EFL1: variants seen among roughly 807,000 people sequenced by gnomAD.
The protein encoded by EFL1 is elongation factor-like GTPase 1.
A neutral mutation model predicts 126.7 loss-of-function variants in EFL1; 76 were observed. The observed-to-expected ratio is 0.60, with a 90% confidence interval of 0.50 to 0.73. The LOEUF (loss-of-function observed/expected upper bound fraction) is 0.73. Among genes scored for constraint, EFL1 ranks in the 30% least tolerant of loss-of-function variants. The pLI, the probability that EFL1 is intolerant of heterozygous loss-of-function variation, is 0.00. For missense variants in EFL1, 1,128 were observed against 1,343.2 expected (o/e 0.84, Z 2.50); for synonymous variants, 410 against 448.4 (o/e 0.91, Z 1.08).
At chr15:82,210,146 G>A (rs371846826) in intron 15 of EFL1, among the ~76,000 whole-genome samples, 40 of 152,322 alleles carry the variant, frequency 2.6e-4, no homozygotes, top group African/African-American at 8.7e-4. Context: ...GTCCTGTCAT[G>A]AGTCTGTTAA....
At chr15:82,196,710 T>C (rs1387372834) in intron 15 of EFL1, among the ~76,000 whole-genome samples, 1 of 152,238 alleles carries the variant, frequency 6.6e-6, no homozygotes, top group Non-Finnish European at 1.5e-5. Flanking sequence ...TGGTTAAATC[T>C]AATTTGATAT....
chr15:82,136,178 A>T (rs934758906), intron 19 of EFL1, among the ~76,000 whole-genome samples: 1 of 152,198 alleles, frequency 6.6e-6, no homozygotes, highest in African/African-American at 2.4e-5. Flanking sequence ...TAAAACAAAA[A>T]ATTGAATATA....
intron 15 of EFL1, among the ~76,000 whole-genome samples, chr15:82,204,554 A>G (rs1376499600): frequency 7.2e-5 from 11 of 152,214 alleles, no homozygotes; most frequent in Non-Finnish European, 1.5e-4. Flanking sequence ...CTTATCAACC[A>G]AAAGACTATT....
Position 82,163,994 on chromosome 15 carries a change from GA to G in EFL1, c.1751-11del. The G allele has an allele frequency of 6.2e-7, 1 of 1,613,200 alleles. No individual in the cohort carries two copies. The highest frequency in any genetic ancestry group is 8.5e-7 in the Non-Finnish European group (1 of 1,179,666). ...TGAAGGCCTCCTATTCCTGTAGGAA[GA>G]AAAGATCCATACGGTCAATAAGGGA... On this transcript the variant is annotated splice_polypyrimidine_tract_variant and intron_variant, in intron 15 of 19. Transcript: ENST00000268206.
At chr15:82,143,855 G>A (rs1378156268) in intron 18 of EFL1, among the ~76,000 whole-genome samples, 1 of 152,064 alleles carries the variant, frequency 6.6e-6, no homozygotes, top group Non-Finnish European at 1.5e-5. Context: ...AAGATAACTG[G>A]GCAAGGACCC....
chr15:82,255,281 T>C (rs2075057228), intron 3 of EFL1, among the ~76,000 whole-genome samples: 1 of 152,230 alleles, frequency 6.6e-6, no homozygotes, highest in Admixed American at 6.5e-5. Flanking sequence ...GTAAGTTTTT[T>C]ACTGGCCATT....
Position 82,238,221 on chromosome 15 carries a change from A to G in EFL1, c.731+86T>C, listed in dbSNP as rs1283632040. On this transcript the variant is annotated intron_variant, in intron 7 of 19. Coordinates refer to ENST00000268206, the MANE Select transcript of EFL1 (RefSeq NM_024580.6). ...TCTTACAACTATAGGTGAATCTATA[A>G]TTATCTCAAAATAAAAGTTTCACTA... 6 of 1,418,680 alleles carry G rather than the reference A, an allele frequency of 4.2e-6. No individual in the cohort carries two copies. The East Asian group carries it at 1.1e-4, about 27-fold the overall frequency. The allele number at this position is 1,418,680 out of a possible 1,614,324, so 87.9% of individuals were successfully genotyped here. A position where few individuals can be genotyped will look rare whatever the true frequency, so the allele number is the denominator to read the frequency against.
chr15:82,257,323 T>A (rs188167237), intron 3 of EFL1, among the ~76,000 whole-genome samples: 187 of 152,324 alleles, frequency 1.2e-3, no homozygotes, highest in Non-Finnish European at 2.0e-3. Context: ...TATTTCTGCC[T>A]CCTCTCTTTT....
In EFL1 at chr15:82,224,505, C is replaced by A. The variant is rs964585000; in HGVS notation, c.1292+660G>T. Among the ~76,000 whole-genome samples the A allele has an allele frequency of 1.3e-5, 2 of 152,136 alleles. 1 individual carries two copies. The highest frequency in any genetic ancestry group is 1.3e-4 in the Admixed American group (2 of 15,272). ...TCATTAAGGGTTTTTGAGCAAGAGA[C>A]ATATCTTCATAGCTGAGTCTTATAA... On this transcript the variant is annotated intron_variant, in intron 12 of 19. Coordinates refer to ENST00000268206, the MANE Select transcript of EFL1 (RefSeq NM_024580.6).
chr15:82,164,100 G>C, intron 15 of EFL1, 116 bp from the exon 16 acceptor site: 1 of 1,322,524 alleles, frequency 7.6e-7, no homozygotes, highest in Non-Finnish European at 1.0e-6. Flanking sequence ...CTTCCAAAAT[G>C]TTGCAAGAAA....
At chr15:82,224,146 A>G (rs2074738798) in intron 12 of EFL1, among the ~76,000 whole-genome samples, 1 of 152,220 alleles carries the variant, frequency 6.6e-6, no homozygotes, top group South Asian at 2.1e-4. Flanking sequence ...GGGTCAGGTC[A>G]TGGTGGGTCA....
At chr15:82,179,470 G>A (rs907897919) in intron 15 of EFL1, among the ~76,000 whole-genome samples, 4 of 152,158 alleles carry the variant, frequency 2.6e-5, no homozygotes, top group African/African-American at 9.6e-5. Context: ...TTACTAATGA[G>A]GAATCTGAGG....
At position 82,230,937 on chromosome 15, in the gene EFL1, T is replaced by C; in HGVS notation, c.766A>G (p.Ile256Val). The C allele has an allele frequency of 6.2e-7, 1 of 1,613,124 alleles. No homozygotes were observed. Among genetic ancestry groups the C allele is most frequent in the Non-Finnish European group, 8.5e-7 (1 of 1,179,482 alleles). Reference sequence around the variant, plus strand: ...ATAAGAACTTCCTTTTTGATGCCAATTTTTTGACTGTAGATTCTGGCGAAG... The same window carrying C: ...ATAAGAACTTCCTTTTTGATGCCAACTTTTTGACTGTAGATTCTGGCGAAG... ...EHFARIYSQK[I>V]GIKKEVLMKT... Residue 256 changes from isoleucine (I) to valine (V), a missense_variant, in exon 8 of 20, where the codon ATT becomes GTT. This residue lies in a region of EFL1 where 316 missense variants were observed against 318.5 expected (regional missense o/e 0.99). Coordinates refer to ENST00000268206, the MANE Select transcript of EFL1 (RefSeq NM_024580.6).
chr15:82,187,024 C>T (rs1476019108), intron 15 of EFL1, among the ~76,000 whole-genome samples: 1 of 152,094 alleles, frequency 6.6e-6, no homozygotes, highest in Non-Finnish European at 1.5e-5. Context: ...GTAGACATTA[C>T]CATGCCCTTT....
chr15:82,260,209 A>C (rs1596015995), intron 2 of EFL1, among the ~76,000 whole-genome samples: 1 of 152,154 alleles, frequency 6.6e-6, no homozygotes, highest in Non-Finnish European at 1.5e-5. Context: ...ACACCCCACT[A>C]ACTTTCCACT....
At chr15:82,169,449 G>C (rs1038469017) in intron 15 of EFL1, among the ~76,000 whole-genome samples, 3 of 152,076 alleles carry the variant, frequency 2.0e-5, no homozygotes, top group African/African-American at 7.2e-5. Flanking sequence ...CTAAGTCTTG[G>C]TGGTTTTTTA....
rs551205746 is a variant in EFL1 at position 82,177,443 on chromosome 15, A to G, written c.1751-13459T>C. ...CTAATAAAATGTGGCTTTCATTGCGAAGTCTTTACACTGATTCTCCTGGCC... is the reference window on the plus strand; with the variant it reads ...CTAATAAAATGTGGCTTTCATTGCGGAGTCTTTACACTGATTCTCCTGGCC... On this transcript the variant is annotated intron_variant, in intron 15 of 19. Transcript: ENST00000268206. Among the ~76,000 whole-genome samples the G allele has an allele frequency of 3.9e-5, 6 of 152,220 alleles. No individual in the cohort carries two copies. The East Asian group carries it at 1.2e-3, about 29-fold the overall frequency.
At chr15:82,232,688 A>G (rs974181934) in intron 7 of EFL1, among the ~76,000 whole-genome samples, 15 of 152,212 alleles carry the variant, frequency 9.9e-5, no homozygotes, top group African/African-American at 3.4e-4. Context: ...TTTGGTTGAC[A>G]TAATCTGAGC....
chr15:82,229,001 A>C (rs2074793090), intron 9 of EFL1, 33 bp downstream of exon 9: 1 of 1,556,090 alleles, frequency 6.4e-7, no homozygotes, highest in South Asian at 1.2e-5. Context: ...ATACTGCCTA[A>C]AGATGCCTAA....
Sources: gnomAD v4.1 joint callset for allele counts (sites outside exome capture counted in the v4.1 genomes callset) on GRCh38, gnomAD v4.1.1 for gene constraint, gnomAD v4.1.1 regional missense constraint, MANE v1.5 for transcripts, NCBI Gene and HGNC (gene_info 2026-07-23, HGNC 2026-07-21) for gene names.